Variants in ATP1B1 observed in about 807,000 individuals in gnomAD.
The protein encoded by ATP1B1 is sodium/potassium-transporting ATPase subunit beta-1.
In ATP1B1, 3 loss-of-function variants were observed where a neutral mutation model predicts 39.6. That is an observed-to-expected ratio of 0.08 (90% CI 0.03 to 0.20). The LOEUF is 0.20. ATP1B1 is among the 10% of genes least tolerant of loss of function. The pLI is 1.00. For missense variants in ATP1B1, 216 were observed against 371.1 expected (o/e 0.58, Z 3.43); for synonymous variants, 139 against 135.0 (o/e 1.03, Z -0.20).
rs1657731335 is a variant in ATP1B1 at position 169,111,506 on chromosome 1, C to G, written c.226+8C>G. ...ACCGAGTGGCCCCGCCAGGTAAAAT[C>G]CACATGAATAGCTTCATTTCCTTCA... On this transcript the variant is annotated splice_region_variant and intron_variant, in intron 2 of 5. Transcript: ENST00000367815. 6.2e-7 allele frequency: 1 copy of G among 1,612,564 alleles called. No homozygotes were observed. The highest frequency in any genetic ancestry group is 1.3e-5 in the African/African-American group (1 of 74,886).
chr1:169,115,975 G>C (rs1432889954), intron 2 of ATP1B1, among the ~76,000 whole-genome samples: 4 of 152,174 alleles, frequency 2.6e-5, no homozygotes, highest in African/African-American at 9.7e-5. Flanking sequence ...CTTCTCATCT[G>C]TTGATGCAGT....
At chr1:169,119,686 C>A (rs771071350) in intron 2 of ATP1B1, among the ~76,000 whole-genome samples, 1 of 152,122 alleles carries the variant, frequency 6.6e-6, no homozygotes, top group African/African-American at 2.4e-5. Context: ...AATGCAGATG[C>A]TCTTCGATTT....
chr1:169,118,621 G>T (rs958083933), intron 2 of ATP1B1, among the ~76,000 whole-genome samples: 1 of 152,136 alleles, frequency 6.6e-6, no homozygotes, highest in Non-Finnish European at 1.5e-5. Context: ...GCACTTAAAG[G>T]AGAAATTTCT....
At chr1:169,113,744 C>T (rs75171076) in intron 2 of ATP1B1, among the ~76,000 whole-genome samples, 3,575 of 152,278 alleles carry the variant, frequency 0.023, 65 homozygotes, top group Non-Finnish European at 0.033. Flanking sequence ...GTTGGACTGA[C>T]CTGACAAACC....
chr1:169,130,206 T>G, intron 5 of ATP1B1, 116 bp downstream of exon 5: 2 of 880,564 alleles, frequency 2.3e-6, no homozygotes, highest in South Asian at 1.7e-5. Flanking sequence ...TAAGAAACAT[T>G]GCTTTCAAGT....
At chr1:169,126,978 A>G (rs1315098533) in intron 3 of ATP1B1, among the ~76,000 whole-genome samples, 1 of 152,194 alleles carries the variant, frequency 6.6e-6, no homozygotes, top group East Asian at 1.9e-4. Flanking sequence ...TTACGTGCTG[A>G]TCAAGTACTA....
rs1468583546 is a variant in ATP1B1, at chr1:169,132,038, T to TTG, written c.*484_*485insGT. 1 of 250,220 alleles carries TTG rather than the reference T, an allele frequency of 4.0e-6. No individual in the cohort carries two copies. Among genetic ancestry groups the TTG allele is most frequent in the South Asian group, 4.5e-5 (1 of 22,238 alleles). The allele number at this position is 250,220 out of a possible 1,614,324, so 15.5% of individuals were successfully genotyped here. ...ATGGTAATTTTTTTTTTTTTTTTTT[T>TTG]TTTGTTTTTTGGCTCTTTCAAAGGT... On this transcript the variant is annotated 3_prime_UTR_variant, in exon 6 of 6. Coordinates refer to ENST00000367815, the MANE Select transcript of ATP1B1 (RefSeq NM_001677.4).
chr1:169,126,254 A>G (rs994321832), intron 3 of ATP1B1, among the ~76,000 whole-genome samples: 5 of 152,222 alleles, frequency 3.3e-5, no homozygotes, highest in African/African-American at 1.2e-4. Flanking sequence ...AATCAGGGTG[A>G]ATCACTTCAA....
chr1:169,109,671 T>C (rs569362505), intron 1 of ATP1B1, among the ~76,000 whole-genome samples: 11 of 152,144 alleles, frequency 7.2e-5, no homozygotes, highest in South Asian at 4.2e-4. Context: ...TACCCTCTTA[T>C]GTTGTTAGAA....
chr1:169,117,015 T>C (rs942570554), intron 2 of ATP1B1, among the ~76,000 whole-genome samples: 6 of 152,250 alleles, frequency 3.9e-5, no homozygotes, highest in Non-Finnish European at 5.9e-5. Flanking sequence ...CTTGTATTAC[T>C]ATCTCTCACT....
At chr1:169,125,252 G>C (rs983884930) in intron 3 of ATP1B1, among the ~76,000 whole-genome samples, 17 of 152,128 alleles carry the variant, frequency 1.1e-4, no homozygotes, top group African/African-American at 4.1e-4. Flanking sequence ...CATTGGAAAG[G>C]TGTCTTACTT....
At chr1:169,115,308 G>A (rs1007187228) in intron 2 of ATP1B1, among the ~76,000 whole-genome samples, 3 of 151,164 alleles carry the variant, frequency 2.0e-5, no homozygotes, top group African/African-American at 7.3e-5. Context: ...GGTATTAAGT[G>A]TAGGGTAACT....
At chr1:169,120,449 T>G (rs1341560639) in intron 2 of ATP1B1, among the ~76,000 whole-genome samples, 1 of 152,084 alleles carries the variant, frequency 6.6e-6, no homozygotes, top group African/African-American at 2.4e-5. Context: ...TGACTGAGCT[T>G]TCTGGGGTTT....
chr1:169,115,185 CAA>C (rs35200858), intron 2 of ATP1B1, among the ~76,000 whole-genome samples: 80 of 79,024 alleles, frequency 1.0e-3, no homozygotes, highest in Middle Eastern at 6.7e-3. Flanking sequence ...GACTCCATCT[CAA>C]AAAAAAAAAA....
At chr1:169,115,117 G>A (rs1219835268) in intron 2 of ATP1B1, among the ~76,000 whole-genome samples, 2 of 149,768 alleles carry the variant, frequency 1.3e-5, no homozygotes, top group Non-Finnish European at 3.0e-5. Flanking sequence ...CCCGGGAGGC[G>A]GAGCTTGCAG....
At chr1:169,125,063 C>A in intron 3 of ATP1B1, 24 bp downstream of exon 3, 1 of 1,569,176 alleles carries the variant, frequency 6.4e-7, no homozygotes, top group South Asian at 1.2e-5. Flanking sequence ...TTGTAGATGT[C>A]TGTGGCTAGT....
chr1:169,106,941 C>A lies in ATP1B1; in HGVS notation c.97+15C>A. 6.4e-7 allele frequency: 1 copy of A among 1,567,368 alleles called. No individual in the cohort carries two copies. Among genetic ancestry groups the A allele is most frequent in the Admixed American group, 1.8e-5 (1 of 55,154 alleles). ...TGGCAGTTGGTGTAAGTACGGGGTC[C>A]GCAGCTCCCGGCCGCCGCGTCTGAT... On this transcript the variant is annotated intron_variant, in intron 1 of 5. Coordinates refer to ENST00000367815, the MANE Select transcript of ATP1B1 (RefSeq NM_001677.4).
At chr1:169,123,928 C>T (rs1230193697) in intron 2 of ATP1B1, among the ~76,000 whole-genome samples, 1 of 152,178 alleles carries the variant, frequency 6.6e-6, no homozygotes, top group Admixed American at 6.5e-5. Flanking sequence ...TGCCCGGCCT[C>T]AGATAAACAA....
intron 2 of ATP1B1, among the ~76,000 whole-genome samples, chr1:169,122,174 C>T (rs748740316): frequency 1.3e-5 from 2 of 152,222 alleles, no homozygotes; most frequent in African/African-American, 4.8e-5. Flanking sequence ...TGCCTATGCA[C>T]TGGCTCTTCG....
Sources: allele counts gnomAD v4.1 joint callset (sites outside exome capture counted in the v4.1 genomes callset), GRCh38; gene constraint gnomAD v4.1.1; transcripts MANE v1.5; gene names NCBI Gene and HGNC (gene_info 2026-07-23, HGNC 2026-07-21).